PDE8B: variants seen among roughly 807,000 people sequenced by gnomAD.
The protein encoded by PDE8B is phosphodiesterase 8B, also known as high affinity cAMP-specific and IBMX-insensitive 3',5'-cyclic phosphodiesterase 8B.
Under a neutral mutation model 101.3 loss-of-function variants are expected in PDE8B, and 26 were observed. That is an observed-to-expected ratio of 0.26 (90% confidence interval 0.19 to 0.36). PDE8B has a LOEUF of 0.36. Among genes scored for constraint, PDE8B ranks in the 10% least tolerant of loss-of-function variants. The probability of loss-of-function intolerance (pLI) is 1.00; values close to 1 mark genes in which losing one functional copy is unlikely to be tolerated. For missense variants in PDE8B, 810 were observed against 1,163.1 expected, an observed-to-expected ratio of 0.70 and a Z score of 4.42; for synonymous variants, 424 against 429.3, an observed-to-expected ratio of 0.99 and a Z score of 0.15.
chr5:77,234,877 C>T (rs1459080795), intron 1 of PDE8B, among the ~76,000 whole-genome samples: 1 of 152,150 alleles, frequency 6.6e-6, no homozygotes, highest in Non-Finnish European at 1.5e-5. Flanking sequence ...AAGAGTAATT[C>T]CTATTTTATC....
At position 77,427,604 on chromosome 5, in the gene PDE8B, T is replaced by C. The variant is rs777820113; in HGVS notation, c.*1050T>C. On this transcript the variant is annotated 3_prime_UTR_variant, in exon 22 of 22. Coordinates refer to ENST00000264917, the MANE Select transcript of PDE8B (RefSeq NM_003719.5). ...GCCATTAGCTTTAACAATGTTAAAA[T>C]TGTGTGGTGTAAATATATCAGAAAA... 1.2e-4 allele frequency: 18 copies of C among 152,150 alleles called. No homozygotes were observed. Among genetic ancestry groups the C allele is most frequent in the Admixed American group, 3.9e-4 (6 of 15,260 alleles). 9.4% of individuals were successfully genotyped at this position (152,150 alleles called of 1,614,324 possible).
intron 1 of PDE8B, among the ~76,000 whole-genome samples, chr5:77,226,613 T>G (rs1464259000): frequency 6.6e-6 from 1 of 152,240 alleles, no homozygotes; most frequent in Non-Finnish European, 1.5e-5. Flanking sequence ...GACATAATGT[T>G]TTCCAGAAAG....
At chr5:77,156,252 T>C in the PDE8B span, among the ~76,000 whole-genome samples, 1 of 152,320 alleles carries the variant, frequency 6.6e-6, no homozygotes, top group African/African-American at 2.4e-5. Flanking sequence ...GGTAGAAGGC[T>C]GATAGGTTGT....
At chr5:77,245,615 G>A (rs1441091378) in intron 1 of PDE8B, among the ~76,000 whole-genome samples, 1 of 152,130 alleles carries the variant, frequency 6.6e-6, no homozygotes, top group Non-Finnish European at 1.5e-5. Flanking sequence ...ATTTCATGGA[G>A]CAGCTTGTGT....
chr5:77,222,791 A>C (rs1237608259), intron 1 of PDE8B, among the ~76,000 whole-genome samples: 1 of 152,146 alleles, frequency 6.6e-6, no homozygotes, highest in Non-Finnish European at 1.5e-5. Context: ...TCAGCTGAAG[A>C]CTGTAAGGAA....
chr5:77,096,924 G>A, the PDE8B span, among the ~76,000 whole-genome samples: 2 of 152,206 alleles, frequency 1.3e-5, no homozygotes. Context: ...AGTACCCAGA[G>A]TTAGGACTTC....
At chr5:77,297,813 A>T (rs1447155923) in intron 1 of PDE8B, among the ~76,000 whole-genome samples, 2 of 152,124 alleles carry the variant, frequency 1.3e-5, no homozygotes, top group African/African-American at 4.8e-5. Flanking sequence ...TCTGCCAAAA[A>T]TGCTCCTTCC....
intron 7 of PDE8B, among the ~76,000 whole-genome samples, chr5:77,345,320 C>CA (rs1244597383): frequency 6.6e-6 from 1 of 152,190 alleles, no homozygotes; most frequent in African/African-American, 2.4e-5. Context: ...CCACCACACT[C>CA]AGCTAATTTT....
the PDE8B span, among the ~76,000 whole-genome samples, chr5:77,099,917 A>G: frequency 6.6e-6 from 1 of 152,250 alleles, no homozygotes; most frequent in African/African-American, 2.4e-5. Context: ...GCCCGGGGTG[A>G]CCTTTTCTAT....
the PDE8B span, among the ~76,000 whole-genome samples, chr5:77,175,531 C>T: frequency 6.6e-6 from 1 of 152,178 alleles, no homozygotes; most frequent in Non-Finnish European, 1.5e-5. Context: ...ACTTCCCAAA[C>T]TAAAGTGGAC....
chr5:77,373,296 C>A (rs941129269), intron 10 of PDE8B, among the ~76,000 whole-genome samples: 1 of 151,564 alleles, frequency 6.6e-6, no homozygotes, highest in Non-Finnish European at 1.5e-5. Context: ...TTAGGTAGAA[C>A]CTCAGGTCAT....
At chr5:77,378,050 C>CACACACACACACACA (rs1297659516) in intron 10 of PDE8B, among the ~76,000 whole-genome samples, 20 of 110,270 alleles carry the variant, frequency 1.8e-4, no homozygotes, top group African/African-American at 1.0e-3. Flanking sequence ...ACACACACAC[C>CACACACACACACACA]CCCTGTTGGT....
At chr5:77,328,695 T>G (rs1416431239) in intron 3 of PDE8B, among the ~76,000 whole-genome samples, 1 of 152,034 alleles carries the variant, frequency 6.6e-6, no homozygotes, top group Non-Finnish European at 1.5e-5. Context: ...TTTTGAAGAG[T>G]GGAGTTTCAA....
rs916085509 is a variant in PDE8B at position 77,290,129 on chromosome 5, C to G, written c.340-21865C>G. ...CTCCAAGGGGTAAGTATTATTACCC[C>G]TAGTTCCACGTGTGGAAAATGAATT... On this transcript the variant is annotated intron_variant, in intron 1 of 21. Transcript: ENST00000264917. The G allele has an allele frequency of 1.2e-5, 13 of 1,109,728 alleles. No homozygotes were observed. The East Asian group carries it at 3.3e-4, about 29-fold the overall frequency. The allele number at this position is 1,109,728 out of a possible 1,614,324, so 68.7% of individuals were successfully genotyped here.
At chr5:77,222,798 G>A (rs1751450767) in intron 1 of PDE8B, among the ~76,000 whole-genome samples, 1 of 152,190 alleles carries the variant, frequency 6.6e-6, no homozygotes, top group Non-Finnish European at 1.5e-5. Flanking sequence ...AAGACTGTAA[G>A]GAAAAGCCAA....
At chr5:77,261,104 A>G (rs1234467699) in intron 1 of PDE8B, among the ~76,000 whole-genome samples, 1 of 152,240 alleles carries the variant, frequency 6.6e-6, no homozygotes, top group Non-Finnish European at 1.5e-5. Context: ...ATGTCTGGAA[A>G]TAAAAATGGT....
the PDE8B span, among the ~76,000 whole-genome samples, chr5:77,179,201 C>T: frequency 6.6e-6 from 1 of 152,222 alleles, no homozygotes; most frequent in Non-Finnish European, 1.5e-5. Flanking sequence ...TGCATTCATG[C>T]CTTTTTGTAG....
the PDE8B span, among the ~76,000 whole-genome samples, chr5:77,194,578 A>G: frequency 6.6e-6 from 1 of 152,110 alleles, no homozygotes; most frequent in African/African-American, 2.4e-5. Flanking sequence ...CCCCATGACC[A>G]TTCGGCAGTC....
intron 2 of PDE8B, among the ~76,000 whole-genome samples, chr5:77,317,681 C>T (rs1268543179): frequency 1.3e-5 from 2 of 152,124 alleles, no homozygotes; most frequent in African/African-American, 2.4e-5. Flanking sequence ...AATCAAGTGG[C>T]CTTTTCTTCA....
Sources: gnomAD v4.1 joint callset for allele counts (sites outside exome capture counted in the v4.1 genomes callset) on GRCh38, gnomAD v4.1.1 for gene constraint, MANE v1.5 for transcripts, NCBI Gene and HGNC (gene_info 2026-07-23, HGNC 2026-07-21) for gene names.